Variants in ABHD2 observed in about 807,000 individuals in gnomAD.
The protein encoded by ABHD2 is abhydrolase domain containing 2, acylglycerol lipase, also known as monoacylglycerol lipase ABHD2.
In ABHD2, 20 loss-of-function variants were observed where a neutral mutation model predicts 48.1. The observed-to-expected ratio is 0.42, with a 90% CI of 0.29 to 0.60. The LOEUF (loss-of-function observed/expected upper bound fraction) is 0.60. ABHD2 is among the 20% of genes least tolerant of loss of function. The pLI is 0.24. For missense variants in ABHD2, 405 were observed against 550.9 expected, an observed-to-expected ratio of 0.74 and a Z score of 2.65; for synonymous variants, 209 against 214.2, an observed-to-expected ratio of 0.98 and a Z score of 0.21.
chr15:89,051,098 TG>T, the ABHD2 span, among the ~76,000 whole-genome samples: 1 of 152,122 alleles, frequency 6.6e-6, no homozygotes, highest in South Asian at 2.1e-4. Context: ...CTGGGCGTGG[TG>T]GTGCGCGCCT....
At chr15:89,127,706 C>CATACATATATATATATATAT (rs58331064) in intron 3 of ABHD2, among the ~76,000 whole-genome samples, 9 of 129,914 alleles carry the variant, frequency 6.9e-5, no homozygotes, top group African/African-American at 3.2e-4. Context: ...TATATATATA[C>CATACATATATATATATATAT]ATATATATAT....
At chr15:89,125,020 T>C (rs1014336063) in intron 3 of ABHD2, among the ~76,000 whole-genome samples, 1 of 150,348 alleles carries the variant, frequency 6.7e-6, no homozygotes, top group Non-Finnish European at 1.5e-5. Context: ...ACCCAGGAGG[T>C]GGAGGTTGCA....
rs1156695245 is a variant in ABHD2, at chr15:89,199,325, T to A, written c.*3902T>A. Reference sequence around the variant, plus strand: ...AGATCACTGAAACATCACGTCAAGTTGAAGTCACTCATAGGTCTTTGTCCT... The same window carrying A: ...AGATCACTGAAACATCACGTCAAGTAGAAGTCACTCATAGGTCTTTGTCCT... On this transcript the variant is annotated 3_prime_UTR_variant, in exon 11 of 11. Transcript: ENST00000352732. This position sits in a 1 kb window ranked among gnomAD's most constrained non-coding sequence, Gnocchi z 4.1. 6.6e-6 allele frequency: 1 copy of A among 152,556 alleles called. No homozygotes were observed. Among genetic ancestry groups the A allele is most frequent in the Admixed American group, 6.6e-5 (1 of 15,258 alleles). 9.5% of individuals were successfully genotyped at this position (152,556 alleles called of 1,614,324 possible).
intron 2 of ABHD2, among the ~76,000 whole-genome samples, chr15:89,115,766 G>T (rs1037794478): frequency 9.9e-5 from 15 of 152,132 alleles, no homozygotes; most frequent in African/African-American, 3.4e-4. Flanking sequence ...CTTTATCTCA[G>T]CCTGCTCTGC....
rs558380182 is a variant in ABHD2 at position 89,197,558 on chromosome 15, G to A, written c.*2135G>A. ...AGGACTGAATCACCACCCCAGAAGAGCGAGAGGCTCCTTTCATATGCCTGA... is the reference window on the plus strand; with the variant it reads ...AGGACTGAATCACCACCCCAGAAGAACGAGAGGCTCCTTTCATATGCCTGA... On this transcript the variant is annotated 3_prime_UTR_variant, in exon 11 of 11. Coordinates refer to ENST00000352732, the MANE Select transcript of ABHD2 (RefSeq NM_152924.5). This position sits in a 1 kb window ranked among gnomAD's most constrained non-coding sequence, Gnocchi z 4.4. 2.4e-4 allele frequency: 37 copies of A among 152,382 alleles called. No individual in the cohort carries two copies. The highest frequency in any genetic ancestry group is 8.7e-4 in the African/African-American group (36 of 41,580). The allele number at this position is 152,382 out of a possible 1,614,324, so 9.4% of individuals were successfully genotyped here. A position where few individuals can be genotyped will look rare whatever the true frequency, so the allele number is the denominator to read the frequency against.
intron 3 of ABHD2, among the ~76,000 whole-genome samples, chr15:89,129,533 A>C (rs2050186748): frequency 6.6e-6 from 1 of 152,160 alleles, no homozygotes; most frequent in South Asian, 2.1e-4. Flanking sequence ...AAAAAATGGA[A>C]ACTGGAGGAG....
chr15:89,146,952 T>G lies in ABHD2; in HGVS notation c.195-4725T>G, dbSNP rs1001005827. ...CCTATAATTAATCTGGAAAATAAAA[T>G]GCTGAAATCTGCCAAGAAAATTTTG... On this transcript the variant is annotated intron_variant, in intron 3 of 10. Transcript: ENST00000352732. The surrounding 1 kb of genome is among the most constrained non-coding windows in gnomAD (Gnocchi z 4.2). Among the ~76,000 whole-genome samples the G allele has an allele frequency of 6.6e-6, 1 of 152,198 alleles. No individual in the cohort carries two copies. Among genetic ancestry groups the G allele is most frequent in the African/African-American group, 2.4e-5 (1 of 41,454 alleles).
chr15:89,140,972 C>CTTTTTTTTTTTTTTTTTT (rs139248772), intron 3 of ABHD2, among the ~76,000 whole-genome samples: 1 of 146,828 alleles, frequency 6.8e-6, no homozygotes, highest in Non-Finnish European at 1.5e-5. Flanking sequence ...TTTAGTTTCA[C>CTTTTTTTTTTTTTTTTTT]TTTTTTTTTT....
chr15:89,090,545 G>A (rs1205418099), intron 1 of ABHD2, among the ~76,000 whole-genome samples: 2 of 138,748 alleles, frequency 1.4e-5, no homozygotes, highest in African/African-American at 5.4e-5. Flanking sequence ...ACAGCTGCAA[G>A]GGGTTTCCAA....
chr15:89,120,728 G>C lies in ABHD2; in HGVS notation c.194+4207G>C, dbSNP rs990647579. On this transcript the variant is annotated intron_variant, in intron 3 of 10. Coordinates refer to ENST00000352732, the MANE Select transcript of ABHD2 (RefSeq NM_152924.5). This position sits in a 1 kb window ranked among gnomAD's most constrained non-coding sequence, Gnocchi z 4.2. ...TCTTGAACTGTTGACCTCGTGATCC[G>C]CCCGCCTCGGCCTTCCAAAGTGCTG... is the stretch of plus-strand genomic sequence containing the variant. 1 of 152,170 alleles carries C rather than the reference G, an allele frequency of 6.6e-6. No homozygotes were observed. Among genetic ancestry groups the C allele is most frequent in the African/African-American group, 2.4e-5 (1 of 41,476 alleles). 9.4% of individuals were successfully genotyped at this position (152,170 alleles called of 1,614,324 possible).
At position 89,091,229 on chromosome 15, in the gene ABHD2, A is replaced by AT. The variant is rs1901585674; in HGVS notation, c.-107+2672dup. Among the ~76,000 whole-genome samples the AT allele has an allele frequency of 6.6e-6, 1 of 151,994 alleles. No homozygotes were observed. Among genetic ancestry groups the AT allele is most frequent in the African/African-American group, 2.4e-5 (1 of 41,382 alleles). The stretch of plus-strand genomic sequence containing the variant: ...TGATGAAAAGATGCCTGCCACTTTC[A>AT]TTTTTTGCAGGAATCCAGTCACCTT... On this transcript the variant is annotated intron_variant, in intron 1 of 10. Coordinates refer to ENST00000352732, the MANE Select transcript of ABHD2 (RefSeq NM_152924.5). The surrounding 1 kb of genome is among the most constrained non-coding windows in gnomAD (Gnocchi z 5.5).
chr15:89,183,368 C>CAAAAAAAAAAAA (rs1233981139), intron 6 of ABHD2: 1 of 61,880 alleles, frequency 1.6e-5, no homozygotes, highest in African/African-American at 5.7e-5. Flanking sequence ...CAGTCCTTTT[C>CAAAAAAAAAAAA]AAAAAAAAAA....
chr15:89,175,975 C>T lies in ABHD2; in HGVS notation c.702C>T (p.Cys234=), dbSNP rs1429274955. Residue 234 remains cysteine, a synonymous_variant, in exon 6 of 11, where the codon TGC becomes TGT. Transcript: ENST00000352732. This position sits in a 1 kb window ranked among gnomAD's most constrained non-coding sequence, Gnocchi z 5.7. ...AGGTCCTGTGCTGCGTCAGCGTGTG[C>T]CAGGGGTACAGTGCACTGAGGTGAG... ...QEKVLCCVSV[C]QGYSALRAQE... is the part of the protein sequence containing the mutation. 1 of 1,611,442 alleles carries T rather than the reference C, an allele frequency of 6.2e-7. No homozygotes were observed.
upstream of ABHD2, among the ~76,000 whole-genome samples, chr15:89,086,131 G>A (rs139593447): frequency 0.033 from 4,945 of 151,794 alleles, 272 homozygotes; most frequent in African/African-American, 0.11. Context: ...GGGTTCAAAC[G>A]ATTATCCTGC....
Position 89,151,995 on chromosome 15 carries a change from C to A in ABHD2, c.370+143C>A. The A allele has an allele frequency of 1.9e-6, 2 of 1,047,764 alleles. No homozygotes were observed. Among genetic ancestry groups the A allele is most frequent in the Admixed American group, 2.6e-5 (1 of 38,588 alleles). 64.9% of individuals were successfully genotyped at this position (1,047,764 alleles called of 1,614,324 possible). On this transcript the variant is annotated intron_variant, in intron 4 of 10. Coordinates refer to ENST00000352732, the MANE Select transcript of ABHD2 (RefSeq NM_152924.5). The surrounding 1 kb of genome is among the most constrained non-coding windows in gnomAD (Gnocchi z 4.7). ...TTGGGAAGCCTGCTGGGATTCGTCA[C>A]TTAGGAGCAGCCTGCAAAGGTTAGC...
chr15:89,043,534 G>A, the ABHD2 span, among the ~76,000 whole-genome samples: 1 of 149,074 alleles, frequency 6.7e-6, no homozygotes, highest in East Asian at 2.0e-4. Flanking sequence ...GAGGGAGGAG[G>A]GGAAGGGAAA....
chr15:89,147,125 T>A (rs982436710), intron 3 of ABHD2, among the ~76,000 whole-genome samples: 3 of 152,110 alleles, frequency 2.0e-5, no homozygotes, highest in African/African-American at 7.2e-5. Flanking sequence ...AATATTTAAT[T>A]GAGAACTTGG....
the ABHD2 span, among the ~76,000 whole-genome samples, chr15:89,048,514 C>G: frequency 6.6e-6 from 1 of 152,148 alleles, no homozygotes; most frequent in African/African-American, 2.4e-5. Context: ...GTTCCATTCT[C>G]CCCGTCACTT....
At chr15:89,095,724 C>T (rs183183785) in intron 1 of ABHD2, among the ~76,000 whole-genome samples, 9 of 152,294 alleles carry the variant, frequency 5.9e-5, no homozygotes, top group Non-Finnish European at 1.3e-4. Flanking sequence ...AGCACCATCA[C>T]ATTCATTTTG....
Sources: gnomAD v4.1 joint callset for allele counts (sites outside exome capture counted in the v4.1 genomes callset) on GRCh38, gnomAD v4.1.1 for gene constraint, Gnocchi (gnomAD v3.1) non-coding constraint, MANE v1.5 for transcripts, NCBI Gene and HGNC (gene_info 2026-07-23, HGNC 2026-07-21) for gene names.